Variants in ACYP2 observed in about 807,000 individuals in gnomAD.
ACYP2 encodes the protein acylphosphatase-2.
A neutral mutation model predicts 11.2 loss-of-function variants in ACYP2; 12 were observed. The ratio of observed to expected loss-of-function variants is 1.08; its 90% confidence interval spans 0.69 to 1.74. The LOEUF is 1.74. ACYP2 is among the 40% of genes most tolerant of loss of function. The probability of loss-of-function intolerance (pLI) is 0.00; values close to 1 mark genes in which losing one functional copy is unlikely to be tolerated. For synonymous variants in ACYP2, 43 were observed against 32.2 expected (o/e 1.33, Z -1.13); for missense variants, 134 against 101.9 (o/e 1.31, Z -1.35).
At chr2:54,128,130 A>G (rs1011685955) in intron 4 of ACYP2, among the ~76,000 whole-genome samples, 13 of 152,226 alleles carry the variant, frequency 8.5e-5, no homozygotes, top group African/African-American at 3.1e-4. Flanking sequence ...CAGGGGGATG[A>G]ATCATATGCA....
At chr2:54,046,356 G>C (rs1444225505) in intron 2 of ACYP2, among the ~76,000 whole-genome samples, 1 of 151,704 alleles carries the variant, frequency 6.6e-6, no homozygotes. Context: ...GAACACACTT[G>C]TAATCCCAGC....
At chr2:54,201,938 C>T (rs1189357798) in intron 6 of ACYP2, among the ~76,000 whole-genome samples, 1 of 151,904 alleles carries the variant, frequency 6.6e-6, no homozygotes, top group Non-Finnish European at 1.5e-5. Flanking sequence ...AAACTCCTGA[C>T]CTGAGGTGAT....
chr2:54,232,104 A>T (rs1296680194), intron 6 of ACYP2, among the ~76,000 whole-genome samples: 1 of 152,206 alleles, frequency 6.6e-6, no homozygotes, highest in Non-Finnish European at 1.5e-5. Flanking sequence ...AATAACAGAG[A>T]ACCAGACTTG....
intron 6 of ACYP2, among the ~76,000 whole-genome samples, chr2:54,195,430 G>C (rs1326238699): frequency 6.6e-6 from 1 of 152,096 alleles, no homozygotes; most frequent in Non-Finnish European, 1.5e-5. Flanking sequence ...GGAAGCCCAA[G>C]TAATACTAGC....
chr2:54,250,561 G>A (rs1687178625), intron 6 of ACYP2, among the ~76,000 whole-genome samples: 1 of 152,156 alleles, frequency 6.6e-6, no homozygotes, highest in South Asian at 2.1e-4. Context: ...GGAAAACAGG[G>A]CAAGTCATCT....
intron 4 of ACYP2, among the ~76,000 whole-genome samples, chr2:54,129,086 C>T (rs1359472495): frequency 6.6e-6 from 1 of 152,274 alleles, no homozygotes; most frequent in East Asian, 1.9e-4. Context: ...CCATAATTCA[C>T]TTCCAAATAA....
intron 4 of ACYP2, among the ~76,000 whole-genome samples, chr2:54,062,022 G>C (rs531899195): frequency 6.6e-6 from 1 of 152,288 alleles, no homozygotes; most frequent in Admixed American, 6.5e-5. Context: ...TGGCTTTAAA[G>C]TGTTTTGCGT....
intron 6 of ACYP2, among the ~76,000 whole-genome samples, chr2:54,246,493 T>C (rs556522692): frequency 9.9e-5 from 15 of 152,174 alleles, no homozygotes; most frequent in African/African-American, 3.4e-4. Flanking sequence ...TTTCTGTTGC[T>C]ATTGTAGATA....
At chr2:54,233,125 T>G (rs547453392) in intron 6 of ACYP2, among the ~76,000 whole-genome samples, 22 of 152,258 alleles carry the variant, frequency 1.4e-4, no homozygotes, top group African/African-American at 4.3e-4. Flanking sequence ...GTGGATTTTT[T>G]TCTTTATTCT....
chr2:54,024,883 G>C (rs949246706), intron 2 of ACYP2, among the ~76,000 whole-genome samples: 1 of 152,150 alleles, frequency 6.6e-6, no homozygotes, highest in Non-Finnish European at 1.5e-5. Context: ...AGTGAATTCA[G>C]TAAAGCTTCA....
intron 4 of ACYP2, among the ~76,000 whole-genome samples, chr2:54,085,395 C>T (rs548919310): frequency 3.6e-4 from 55 of 152,284 alleles, no homozygotes; most frequent in Non-Finnish European, 3.1e-4. Context: ...CTCTGGCCAC[C>T]TGTGACATTA....
intron 2 of ACYP2, among the ~76,000 whole-genome samples, chr2:53,993,589 C>T (rs1192746359): frequency 3.3e-5 from 5 of 150,142 alleles, no homozygotes; most frequent in Non-Finnish European, 5.9e-5. Context: ...CTCAGCTCCT[C>T]GGGAGGCTGA....
At chr2:54,130,923 G>A (rs149597295) in intron 4 of ACYP2, among the ~76,000 whole-genome samples, 5 of 152,232 alleles carry the variant, frequency 3.3e-5, no homozygotes, top group African/African-American at 4.8e-5. Context: ...AATCACCCAA[G>A]AGTGATTGTC....
chr2:54,254,387 A>AGGT, intron 6 of ACYP2: 1 of 153,720 alleles, frequency 6.5e-6, no homozygotes, highest in Non-Finnish European at 1.4e-5. Context: ...GGGAATAGCC[A>AGGT]GTAGCAGGCA....
intron 6 of ACYP2, among the ~76,000 whole-genome samples, chr2:54,242,819 T>A (rs1686788327): frequency 6.6e-6 from 1 of 152,212 alleles, no homozygotes; most frequent in Non-Finnish European, 1.5e-5. Flanking sequence ...CCATCTAGAT[T>A]CATGTAAGCA....
At chr2:53,986,403 C>G (rs933854488) in intron 2 of ACYP2, among the ~76,000 whole-genome samples, 2 of 151,208 alleles carry the variant, frequency 1.3e-5, no homozygotes, top group African/African-American at 4.9e-5. Context: ...GTGGCATGAT[C>G]TCAGCTCACT....
intron 4 of ACYP2, chr2:54,115,724 C>T: frequency 6.2e-7 from 1 of 1,613,014 alleles, no homozygotes; most frequent in South Asian, 1.1e-5. Flanking sequence ...TCACTCAAAT[C>T]CGTGGACTAC....
intron 2 of ACYP2, among the ~76,000 whole-genome samples, chr2:54,032,393 C>G (rs1259481852): frequency 6.6e-6 from 1 of 152,160 alleles, no homozygotes; most frequent in Non-Finnish European, 1.5e-5. Context: ...ATCCTTCGCC[C>G]ATGTCTTGTT....
chr2:54,034,758 C>T (rs1674782371), intron 2 of ACYP2, among the ~76,000 whole-genome samples: 1 of 152,054 alleles, frequency 6.6e-6, no homozygotes, highest in Non-Finnish European at 1.5e-5. Context: ...CGCCTGTAAT[C>T]CCAGCACTTT....
Sources: allele counts gnomAD v4.1 joint callset (sites outside exome capture counted in the v4.1 genomes callset), GRCh38; gene constraint gnomAD v4.1.1; transcripts MANE v1.5; gene names NCBI Gene and HGNC (gene_info 2026-07-23, HGNC 2026-07-21).